RUFY3: variants seen among roughly 807,000 people sequenced by gnomAD.
RUFY3 encodes the protein protein RUFY3.
RUFY3 carries 34 observed loss-of-function variants against 84.0 expected under a neutral mutation model. The ratio of observed to expected loss-of-function variants is 0.40; its 90% confidence interval spans 0.31 to 0.54. RUFY3 has a LOEUF of 0.54. RUFY3 is among the 20% of genes least tolerant of loss of function. The pLI is 0.39. For missense variants in RUFY3, 507 were observed against 736.8 expected (o/e 0.69, Z 3.61); for synonymous variants, 242 against 252.9 (o/e 0.96, Z 0.41).
chr4:70,804,934 A>T (rs981736669), intron 17 of RUFY3, among the ~76,000 whole-genome samples: 1 of 152,138 alleles, frequency 6.6e-6, no homozygotes, highest in African/African-American at 2.4e-5. Flanking sequence ...AAAAATAAGT[A>T]AATAAATAAA....
At chr4:70,774,644 A>AAAAAAAAATATATATATATATAT (rs1553916771) in intron 6 of RUFY3, among the ~76,000 whole-genome samples, 1 of 56,684 alleles carries the variant, frequency 1.8e-5, no homozygotes, top group African/African-American at 8.4e-5. Flanking sequence ...AAAAAAAAAA[A>AAAAAAAAATATATATATATATAT]ATATATATAT....
intron 5 of RUFY3, among the ~76,000 whole-genome samples, chr4:70,770,810 A>G (rs888869949): frequency 6.6e-6 from 1 of 152,308 alleles, no homozygotes; most frequent in Non-Finnish European, 1.5e-5. Context: ...CTCTTTCGAC[A>G]TGCCTTCTTC....
intron 9 of RUFY3, 131 bp downstream of exon 9, chr4:70,783,314 A>G (rs1282710156): frequency 3.2e-5 from 21 of 652,042 alleles, no homozygotes; most frequent in Non-Finnish European, 2.7e-6. Context: ...GACTCCATGC[A>G]TAATTGTGTG....
chr4:70,720,198 C>T (rs372299543), upstream of RUFY3, among the ~76,000 whole-genome samples: 13 of 152,162 alleles, frequency 8.5e-5, no homozygotes, highest in Middle Eastern at 6.8e-3. Context: ...ACCACATGTG[C>T]GCGCAACCAT....
At chr4:70,731,859 A>G (rs1470956020) in intron 1 of RUFY3, among the ~76,000 whole-genome samples, 2 of 152,228 alleles carry the variant, frequency 1.3e-5, no homozygotes, top group Admixed American at 1.3e-4. Flanking sequence ...GAGCCACCGC[A>G]CTTAGCCTGA....
At chr4:70,733,010 T>C (rs960234289) in intron 1 of RUFY3, among the ~76,000 whole-genome samples, 1 of 149,432 alleles carries the variant, frequency 6.7e-6, no homozygotes, top group African/African-American at 2.5e-5. Context: ...GAGGTTGCAG[T>C]GAGCCAAGAT....
chr4:70,746,030 T>G (rs910943638), intron 1 of RUFY3, among the ~76,000 whole-genome samples: 18 of 135,990 alleles, frequency 1.3e-4, no homozygotes, highest in African/African-American at 5.1e-4. Flanking sequence ...ATAGAGTGAG[T>G]CTCCCTCTCA....
At chr4:70,728,109 G>A (rs888022671) in intron 1 of RUFY3, among the ~76,000 whole-genome samples, 3 of 152,192 alleles carry the variant, frequency 2.0e-5, no homozygotes, top group Non-Finnish European at 4.4e-5. Context: ...CTCATCCTAA[G>A]TTGAAAATAC....
chr4:70,774,644 A>AATATATATATATATAT (rs1553916772), intron 6 of RUFY3, among the ~76,000 whole-genome samples: 40 of 56,646 alleles, frequency 7.1e-4, no homozygotes, highest in African/African-American at 2.9e-3. Context: ...AAAAAAAAAA[A>AATATATATATATATAT]ATATATATAT....
At chr4:70,789,787 T>A in intron 12 of RUFY3, 195 bp downstream of exon 12, 1 of 1,235,920 alleles carries the variant, frequency 8.1e-7, no homozygotes. Context: ...GAAATGTCAA[T>A]CACTTGACTA....
At chr4:70,766,798 C>G (rs1012591359) in intron 4 of RUFY3, among the ~76,000 whole-genome samples, 1 of 152,078 alleles carries the variant, frequency 6.6e-6, no homozygotes, top group Non-Finnish European at 1.5e-5. Flanking sequence ...TGGATTTTGA[C>G]AGATGTATAA....
intron 1 of RUFY3, among the ~76,000 whole-genome samples, chr4:70,758,114 C>T (rs990406549): frequency 6.6e-6 from 1 of 152,174 alleles, no homozygotes; most frequent in African/African-American, 2.4e-5. Flanking sequence ...ATGTTACACA[C>T]ACAACATGCT....
At chr4:70,705,628 G>GC in intron 1 of RUFY3, among the ~76,000 whole-genome samples, 1 of 152,140 alleles carries the variant, frequency 6.6e-6, no homozygotes, top group Non-Finnish European at 1.5e-5. Flanking sequence ...CGGCCTGCCT[G>GC]CCCCCCTCCA....
chr4:70,731,381 CAT>C (rs1403038369), intron 1 of RUFY3, among the ~76,000 whole-genome samples: 15 of 152,214 alleles, frequency 9.9e-5, no homozygotes, highest in African/African-American at 3.6e-4. Flanking sequence ...TTTTTGTCCA[CAT>C]GTTTTCTTTT....
intron 14 of RUFY3, among the ~76,000 whole-genome samples, chr4:70,797,609 C>G (rs1457946430): frequency 6.6e-6 from 1 of 152,038 alleles, no homozygotes; most frequent in Non-Finnish European, 1.5e-5. Flanking sequence ...CTTTGGGAGG[C>G]CAAGGTGGGC....
chr4:70,777,233 GA>G (rs1447536260), intron 7 of RUFY3, among the ~76,000 whole-genome samples: 1 of 152,100 alleles, frequency 6.6e-6, no homozygotes, highest in Non-Finnish European at 1.5e-5. Flanking sequence ...TGAAACCACA[GA>G]AAACAAAACT....
intron 8 of RUFY3, among the ~76,000 whole-genome samples, chr4:70,782,660 C>T (rs545228822): frequency 1.1e-4 from 17 of 152,138 alleles, no homozygotes; most frequent in Non-Finnish European, 2.2e-4. Flanking sequence ...TGCCTATAAT[C>T]CCAGCACTTT....
At chr4:70,716,857 A>AG (rs1321690441) in intron 1 of RUFY3, among the ~76,000 whole-genome samples, 1 of 149,646 alleles carries the variant, frequency 6.7e-6, no homozygotes, top group Non-Finnish European at 1.5e-5. Context: ...AAAAAAAAAA[A>AG]AAAAGAAAAG....
intron 1 of RUFY3, among the ~76,000 whole-genome samples, chr4:70,737,238 C>CT (rs879331200): frequency 5.4e-4 from 79 of 146,302 alleles, no homozygotes; most frequent in East Asian, 5.2e-3. Context: ...ACTTTCTCTA[C>CT]TTTTTTTTTT....
Sources: allele counts gnomAD v4.1 joint callset (sites outside exome capture counted in the v4.1 genomes callset), GRCh38; gene constraint gnomAD v4.1.1; transcripts MANE v1.5; gene names NCBI Gene and HGNC (gene_info 2026-07-23, HGNC 2026-07-21).